MID1: variants seen among roughly 807,000 people sequenced by gnomAD.
MID1 encodes the protein E3 ubiquitin-protein ligase Midline-1.
A neutral mutation model predicts 40.4 loss-of-function variants in MID1; 7 were observed. The observed-to-expected ratio is 0.17, with a 90% CI of 0.10 to 0.33. MID1 has a LOEUF of 0.33. MID1 is among the 10% of genes least tolerant of loss of function. The pLI, the probability that MID1 is intolerant of heterozygous loss-of-function variation, is 1.00. For synonymous variants in MID1, 229 were observed against 221.2 expected (o/e 1.04, Z -0.31); for missense variants, 367 against 558.5 (o/e 0.66, Z 3.46).
At chrX:10,654,536 G>A (rs12010180) in intron 1 of MID1, among the ~76,000 whole-genome samples, 15,781 of 111,100 alleles carry the variant, frequency 0.14, 1,772 homozygotes, top group African/African-American at 0.38. Context: ...TCGCATGCAC[G>A]GTTCACAATA....
chrX:10,538,129 C>T (rs1602370337), intron 2 of MID1, among the ~76,000 whole-genome samples: 1 of 111,043 alleles, frequency 9.0e-6, no homozygotes. Context: ...TGTGCCACCA[C>T]GCCAGTCTGA....
At chrX:10,492,909 A>G (rs1569067079) in intron 4 of MID1, among the ~76,000 whole-genome samples, 1 of 112,229 alleles carries the variant, frequency 8.9e-6, no homozygotes. Flanking sequence ...AACTCCATGC[A>G]TCACTATGGC....
chrX:10,523,098 A>T lies in MID1; in HGVS notation c.750T>A (p.His250Gln). 1 of 1,190,075 alleles carries T rather than the reference A, an allele frequency of 8.4e-7. No individual in the cohort carries two copies. Among genetic ancestry groups the T allele is most frequent in the Non-Finnish European group, 1.1e-6 (1 of 877,789 alleles). ...LLAKLIQTCQ[H>Q]VEVNASRQEA... ...GAAATACAGAGATACTCACTTCAAC[A>T]TGTTGACAGGTTTGGATGAGTTTAG... Residue 250 changes from histidine to glutamine, a missense_variant, in exon 3 of 10, where the codon CAT (histidine) becomes CAA (glutamine). This residue lies in a region of MID1 where 275 missense variants were observed against 383.1 expected (regional missense o/e 0.72). Transcript: ENST00000317552.
intron 2 of MID1, among the ~76,000 whole-genome samples, chrX:10,549,556 G>T (rs1933828374): frequency 8.8e-6 from 1 of 113,737 alleles, no homozygotes; most frequent in African/African-American, 3.2e-5. Context: ...GGCCTGCAAT[G>T]CCAGAAAGAT....
chrX:10,756,254 G>A (rs748778056), intron 1 of MID1, among the ~76,000 whole-genome samples: 2 of 112,119 alleles, frequency 1.8e-5, no homozygotes, highest in Non-Finnish European at 3.8e-5. Flanking sequence ...ACTTATTTAT[G>A]CAAGTGTTTT....
intron 2 of MID1, among the ~76,000 whole-genome samples, chrX:10,545,380 T>C (rs978749872): frequency 2.7e-5 from 3 of 112,013 alleles, no homozygotes; most frequent in African/African-American, 9.7e-5. Flanking sequence ...TTACGGGAAA[T>C]TTCGGCCTTT....
chrX:10,628,470 A>T (rs1292319138), intron 1 of MID1, among the ~76,000 whole-genome samples: 1 of 112,070 alleles, frequency 8.9e-6, no homozygotes, highest in Admixed American at 9.5e-5. Context: ...TGAGTGATTT[A>T]AATAGCATCA....
At chrX:10,509,770 A>T (rs1253862908) in intron 3 of MID1, among the ~76,000 whole-genome samples, 11 of 112,205 alleles carry the variant, frequency 9.8e-5, no homozygotes, top group Non-Finnish European at 3.8e-5. Context: ...GGACATGCTG[A>T]TCTATGCAAA....
chrX:10,564,430 C>A (rs1278451770), intron 2 of MID1, among the ~76,000 whole-genome samples: 2 of 112,132 alleles, frequency 1.8e-5, no homozygotes, highest in Non-Finnish European at 3.8e-5. Flanking sequence ...AACAAACATG[C>A]TATGTCGATA....
chrX:10,561,015 CAG>C (rs1159719341), intron 2 of MID1, among the ~76,000 whole-genome samples: 1 of 106,679 alleles, frequency 9.4e-6, no homozygotes, highest in Non-Finnish European at 1.9e-5. Flanking sequence ...GGTACCAAAA[CAG>C]ATATATAGAC....
chrX:10,511,484 A>G (rs1408862996), intron 3 of MID1, among the ~76,000 whole-genome samples: 2 of 111,399 alleles, frequency 1.8e-5, no homozygotes, highest in African/African-American at 6.5e-5. Context: ...TCTGGGTTCT[A>G]GTGATCCTCC....
intron 1 of MID1, among the ~76,000 whole-genome samples, chrX:10,699,154 T>A (rs1396684177): frequency 1.8e-5 from 2 of 112,227 alleles, no homozygotes; most frequent in African/African-American, 6.5e-5. Flanking sequence ...AATCTTTTTT[T>A]TCAAGTTTAG....
intron 9 of MID1, among the ~76,000 whole-genome samples, chrX:10,452,868 TCAATGG>T (rs1401280355): frequency 8.9e-6 from 1 of 112,151 alleles, no homozygotes; most frequent in Non-Finnish European, 1.9e-5. Context: ...AAACTATTCA[TCAATGG>T]CAATGAGATC....
At chrX:10,674,102 GTT>G (rs1312680676) in intron 1 of MID1, among the ~76,000 whole-genome samples, 1 of 112,199 alleles carries the variant, frequency 8.9e-6, no homozygotes, top group African/African-American at 3.2e-5. Flanking sequence ...ATGCTGGAAT[GTT>G]TTGTTCTGTA....
Position 10,447,204 on chromosome X carries a change from T to C in MID1, c.*2164A>G, listed in dbSNP as rs180715016. 27 of 111,878 alleles carry C rather than the reference T, an allele frequency of 2.4e-4. No homozygotes were observed. Among genetic ancestry groups the C allele is most frequent in the Non-Finnish European group, 4.5e-4 (24 of 53,221 alleles). 9.2% of individuals were successfully genotyped at this position (111,878 alleles called of 1,213,427 possible). On this transcript the variant is annotated 3_prime_UTR_variant, in exon 10 of 10. Coordinates refer to ENST00000317552, the MANE Select transcript of MID1 (RefSeq NM_000381.4). ...ATAATCTCTCATGTCCTTATAAAAATAGCCAAACATACCCTAAATGGCTTA... is the reference window on the plus strand; with the variant it reads ...ATAATCTCTCATGTCCTTATAAAAACAGCCAAACATACCCTAAATGGCTTA...
intron 1 of MID1, among the ~76,000 whole-genome samples, chrX:10,642,565 T>C (rs1266387152): frequency 9.1e-6 from 1 of 110,355 alleles, no homozygotes; most frequent in East Asian, 2.8e-4. Context: ...GAAGAATCAA[T>C]ATTGTGAAAA....
chrX:10,778,196 T>G (rs1404542750), intron 1 of MID1, among the ~76,000 whole-genome samples: 3 of 111,306 alleles, frequency 2.7e-5, no homozygotes, highest in Non-Finnish European at 5.6e-5. Context: ...TACAGCAGGT[T>G]TGTTTAACCC....
intron 1 of MID1, among the ~76,000 whole-genome samples, chrX:10,751,045 AC>A (rs1178838205): frequency 9.0e-6 from 1 of 110,805 alleles, no homozygotes; most frequent in Non-Finnish European, 1.9e-5. Context: ...CAGGCGGATC[AC>A]TTGGGGTCAG....
chrX:10,452,377 T>C (rs1389974284), intron 9 of MID1, among the ~76,000 whole-genome samples: 1 of 112,387 alleles, frequency 8.9e-6, no homozygotes, highest in African/African-American at 3.2e-5. Flanking sequence ...AATACCATTA[T>C]AGTATCATTA....
Sources: allele counts gnomAD v4.1 joint callset (sites outside exome capture counted in the v4.1 genomes callset), GRCh38; gene constraint gnomAD v4.1.1; regional missense constraint gnomAD v4.1.1; transcripts MANE v1.5; gene names NCBI Gene and HGNC (gene_info 2026-07-23, HGNC 2026-07-21).